The following ABI1 variants were observed in gnomAD, a reference collection of about 807,000 sequenced individuals.
ABI1 encodes abl interactor 1.
In ABI1, 14 loss-of-function variants were observed where a neutral mutation model predicts 54.6. The ratio of observed to expected loss-of-function variants is 0.26; its 90% CI spans 0.17 to 0.40. The LOEUF (loss-of-function observed/expected upper bound fraction) is 0.40, where lower values mean the gene tolerates loss of function less well. Among genes scored for constraint, ABI1 ranks in the 10% least tolerant of loss-of-function variants. ABI1 has a pLI of 1.00. For missense variants in ABI1, 443 were observed against 598.3 expected (o/e 0.74, Z 2.71); for synonymous variants, 194 against 209.3 (o/e 0.93, Z 0.63).
rs532404243 is a variant in ABI1, at chr10:26,829,353, C to T, written c.118-6048G>A. On this transcript the variant is annotated intron_variant, in intron 1 of 10. Transcript: ENST00000376140. ...CAGCCATGGAGCACCACCTATAATCCGTATAGTGATGCACCTAAAACAGGC... is the reference window on the plus strand; with the variant it reads ...CAGCCATGGAGCACCACCTATAATCTGTATAGTGATGCACCTAAAACAGGC... 3.9e-5 allele frequency among the ~76,000 whole-genome samples: 6 copies of T among 152,118 alleles called. No individual in the cohort carries two copies. The East Asian group carries it at 7.7e-4, about 20-fold the overall frequency.
At chr10:26,753,076 T>C (rs148527186) in intron 9 of ABI1, among the ~76,000 whole-genome samples, 96 of 152,296 alleles carry the variant, frequency 6.3e-4, no homozygotes, top group African/African-American at 2.2e-3. Flanking sequence ...GTGCTGAATA[T>C]ACAACCAAGG....
intron 5 of ABI1, 72 bp downstream of exon 5, chr10:26,770,173 C>T: frequency 1.6e-6 from 2 of 1,280,866 alleles, no homozygotes; most frequent in Admixed American, 1.7e-5. Context: ...ATCCCATACA[C>T]TTACTTAAGT....
chr10:26,847,962 C>A (rs1222721106), intron 1 of ABI1, among the ~76,000 whole-genome samples: 1 of 151,552 alleles, frequency 6.6e-6, no homozygotes, highest in East Asian at 2.0e-4. Context: ...CGTTGGGAGG[C>A]CGAGTCAGGA....
At chr10:26,799,500 C>G (rs1383033285) in intron 2 of ABI1, among the ~76,000 whole-genome samples, 1 of 152,076 alleles carries the variant, frequency 6.6e-6, no homozygotes, top group East Asian at 1.9e-4. Flanking sequence ...TGAGCACGTG[C>G]AACTGCACAT....
intron 2 of ABI1, among the ~76,000 whole-genome samples, chr10:26,801,354 C>G (rs1329062383): frequency 2.0e-5 from 3 of 152,078 alleles, no homozygotes; most frequent in African/African-American, 7.2e-5. Context: ...TGAGACCAGC[C>G]TGGGCAATAT....
chr10:26,836,311 C>A (rs927035608), intron 1 of ABI1, among the ~76,000 whole-genome samples: 1 of 152,024 alleles, frequency 6.6e-6, no homozygotes, highest in Non-Finnish European at 1.5e-5. Context: ...CAGGGTTTCA[C>A]CATGTTAGCC....
chr10:26,829,298 T>C (rs11015320), intron 1 of ABI1, among the ~76,000 whole-genome samples: 9,364 of 151,432 alleles, frequency 0.062, 430 homozygotes, highest in East Asian at 0.19. Flanking sequence ...CTCTGTCCAA[T>C]GAAAAGATCT....
Position 26,770,310 on chromosome 10 carries a change from C to T in ABI1, c.513G>A (p.Leu171=), listed in dbSNP as rs760737828. The T allele has an allele frequency of 4.5e-5, 72 of 1,614,030 alleles. 1 individual carries two copies. In the South Asian group the frequency reaches 7.9e-4, roughly 18 times the overall value. Reference sequence around the variant, plus strand: ...TCTGAGTAGGAGGATTTGTTCTCGACAGTGTGCCAGTTCTTGCAGGCTGGT... The same window carrying T: ...TCTGAGTAGGAGGATTTGTTCTCGATAGTGTGCCAGTTCTTGCAGGCTGGT... The part of the protein sequence containing the change: ...GNNQPARTGT[L]SRTNPPTQKP... The change falls in exon 5 of 11, where the codon CTG becomes CTA. Residue 171 remains leucine (L), a synonymous_variant. Transcript: ENST00000376140.
intron 2 of ABI1, among the ~76,000 whole-genome samples, chr10:26,783,492 A>G (rs906273158): frequency 1.3e-5 from 2 of 152,208 alleles, no homozygotes; most frequent in Admixed American, 6.5e-5. Context: ...AACTCAAAAG[A>G]TTTCTGAGTA....
chr10:26,815,920 T>C (rs1047630404), intron 2 of ABI1, among the ~76,000 whole-genome samples: 1 of 152,098 alleles, frequency 6.6e-6, no homozygotes, highest in African/African-American at 2.4e-5. Flanking sequence ...CATAAAAACA[T>C]AAAAATAAAT....
At chr10:26,767,385 C>T (rs1407604656) in intron 6 of ABI1, among the ~76,000 whole-genome samples, 2 of 152,192 alleles carry the variant, frequency 1.3e-5, no homozygotes, top group Non-Finnish European at 2.9e-5. Context: ...AGTTATCTCT[C>T]ATTTACCAAC....
rs866994903 is a variant in ABI1 at position 26,842,633 on chromosome 10, C to A, written c.117+18114G>T. On this transcript the variant is annotated intron_variant, in intron 1 of 10. Coordinates refer to ENST00000376140, the MANE Select transcript of ABI1 (RefSeq NM_001012750.3). Reference sequence around the variant, plus strand: ...GCCATTAGCTATTGATATACCAGTACAAAAATGTGTACAATTAAACAAGAA... The same window carrying A: ...GCCATTAGCTATTGATATACCAGTAAAAAAATGTGTACAATTAAACAAGAA... Among the ~76,000 whole-genome samples the A allele has an allele frequency of 5.9e-5, 9 of 152,126 alleles. 1 individual carries two copies. The South Asian group carries it at 1.2e-3, about 21-fold the overall frequency.
intron 1 of ABI1, among the ~76,000 whole-genome samples, chr10:26,837,031 T>C (rs949928652): frequency 7.2e-5 from 11 of 152,258 alleles, no homozygotes; most frequent in Non-Finnish European, 1.5e-4. Context: ...CAGTAATTTA[T>C]AGCTGGTTAT....
chr10:26,856,043 A>T (rs2050780041), intron 1 of ABI1, among the ~76,000 whole-genome samples: 1 of 140,268 alleles, frequency 7.1e-6, no homozygotes, highest in Non-Finnish European at 1.5e-5. Context: ...TCCCAACTCC[A>T]TGGGAGACTG....
chr10:26,837,096 G>T (rs1251614175), intron 1 of ABI1, among the ~76,000 whole-genome samples: 1 of 152,088 alleles, frequency 6.6e-6, no homozygotes, highest in Non-Finnish European at 1.5e-5. Flanking sequence ...TTCCCACAAG[G>T]CAATTATATT....
intron 2 of ABI1, among the ~76,000 whole-genome samples, chr10:26,802,517 T>C (rs2133390195): frequency 6.6e-6 from 1 of 152,316 alleles, no homozygotes; most frequent in East Asian, 1.9e-4. Flanking sequence ...GGGGATATAC[T>C]AGCTAGACTT....
At position 26,759,230 on chromosome 10, in the gene ABI1, C is replaced by G; in HGVS notation, c.829G>C (p.Gly277Arg). 6.2e-7 allele frequency: 1 copy of G among 1,613,598 alleles called. No individual in the cohort carries two copies. Among genetic ancestry groups the G allele is most frequent in the Non-Finnish European group, 8.5e-7 (1 of 1,179,840 alleles). ...SPPTIGPAAPGSAPGSQYGTM... is the reference protein window; with the variant it reads ...SPPTIGPAAPRSAPGSQYGTM... The stretch of plus-strand genomic sequence containing the variant: ...CCATACTGGGAACCAGGAGCTGAGC[C>G]CGGGGCTGCTGAAAAGCATTAGTCA... The change falls in exon 8 of 11, where the codon GGC becomes CGC. Residue 277 changes from glycine to arginine, a missense_variant. Physicochemically the swap from Gly to Arg is moderately radical, Grantham distance 125. Coordinates refer to ENST00000376140, the MANE Select transcript of ABI1 (RefSeq NM_001012750.3).
chr10:26,772,266 C>T (rs1212272650), intron 3 of ABI1, among the ~76,000 whole-genome samples: 1 of 151,596 alleles, frequency 6.6e-6, no homozygotes, highest in African/African-American at 2.4e-5. Context: ...TATTAGGATC[C>T]TTGAAGATAA....
chr10:26,765,529 A>G (rs984697823), intron 6 of ABI1, among the ~76,000 whole-genome samples: 2 of 152,134 alleles, frequency 1.3e-5, no homozygotes, highest in African/African-American at 4.8e-5. Flanking sequence ...TGGACATGAA[A>G]CATTGGTTTT....
Sources: gnomAD v4.1 joint callset for allele counts (sites outside exome capture counted in the v4.1 genomes callset) on GRCh38, gnomAD v4.1.1 for gene constraint, MANE v1.5 for transcripts, NCBI Gene and HGNC (gene_info 2026-07-23, HGNC 2026-07-21) for gene names.